The following BPTF variants were observed in gnomAD, a reference collection of about 807,000 sequenced individuals.
The protein encoded by BPTF is nucleosome-remodeling factor subunit BPTF.
Under a neutral mutation model 292.5 loss-of-function variants are expected in BPTF, and 18 were observed. The observed-to-expected ratio is 0.06, with a 90% confidence interval of 0.04 to 0.09. BPTF has a LOEUF of 0.09. BPTF is among the 10% of genes least tolerant of loss of function. The probability of loss-of-function intolerance (pLI) is 1.00; values close to 1 mark genes in which losing one functional copy is unlikely to be tolerated. For missense variants in BPTF, 2,726 were observed against 3,498.7 expected (o/e 0.78, Z 5.57); for synonymous variants, 1,225 against 1,251.9 (o/e 0.98, Z 0.45).
chr17:67,833,249 T>G (rs2056867389), intron 1 of BPTF, among the ~76,000 whole-genome samples: 1 of 152,076 alleles, frequency 6.6e-6, no homozygotes, highest in Non-Finnish European at 1.5e-5. Context: ...TACAGCCTTT[T>G]TTTTTTTTTT....
At chr17:67,858,703 C>T (rs1315637420) in intron 2 of BPTF, among the ~76,000 whole-genome samples, 1 of 152,224 alleles carries the variant, frequency 6.6e-6, no homozygotes, top group Non-Finnish European at 1.5e-5. Flanking sequence ...CTCAAGTGCC[C>T]TCCTGAAAGG....
rs1489284523 is a variant in BPTF at position 67,825,931 on chromosome 17, G to T, written c.207G>T (p.Gly69=). The T allele has an allele frequency of 2.1e-5, 21 of 1,015,590 alleles. No homozygotes were observed. Among genetic ancestry groups the T allele is most frequent in the Non-Finnish European group, 2.2e-5 (19 of 851,596 alleles). The allele number at this position is 1,015,590 out of a possible 1,614,324, so 62.9% of individuals were successfully genotyped here. Residue 69 remains glycine, a synonymous_variant, in exon 1 of 28, where the codon GGG becomes GGT. Transcript: ENST00000306378. ...AGACGCGGCTGAGCTCGCCCAGGGG[G>T]GGCAGCAGTAGCCGGAGGAAGCCGC... The part of the protein sequence containing the change: ...APKTRLSSPR[G]GSSSRRKPPP...
At chr17:67,964,160 G>A (rs2067784341) in intron 24 of BPTF, 52 bp from the exon 25 acceptor site, 1 of 1,544,092 alleles carries the variant, frequency 6.5e-7, no homozygotes, top group Admixed American at 1.8e-5. Context: ...TTTATTATAA[G>A]TAACATCATC....
chr17:67,980,727 T>C (rs1350854392), intron 27 of BPTF, among the ~76,000 whole-genome samples: 1 of 152,200 alleles, frequency 6.6e-6, no homozygotes, highest in African/African-American at 2.4e-5. Flanking sequence ...AGGCTGGGCC[T>C]GCACAGTGAA....
chr17:67,927,497 A>G (rs1462508801), intron 15 of BPTF, among the ~76,000 whole-genome samples: 23 of 152,250 alleles, frequency 1.5e-4, no homozygotes, highest in Admixed American at 5.9e-4. Flanking sequence ...AAAAACTTTT[A>G]TAATTTTCAG....
intron 11 of BPTF, among the ~76,000 whole-genome samples, chr17:67,916,765 C>CAA (rs768285922): frequency 0.082 from 4,596 of 56,214 alleles, 491 homozygotes; most frequent in African/African-American, 0.25. Context: ...TACTCTGTCT[C>CAA]AAAAAAAAAA....
Position 67,982,370 on chromosome 17 carries a change from T to C in BPTF, c.*82T>C. On this transcript the variant is annotated 3_prime_UTR_variant, in exon 28 of 28. Transcript: ENST00000306378. The stretch of plus-strand genomic sequence containing the variant: ...TTTAAATTAAGGAGCCAGATGTTTT[T>C]AGTCAGGCTATCCTGACAAGACTTG... 1 of 1,329,334 alleles carries C rather than the reference T, an allele frequency of 7.5e-7. No individual in the cohort carries two copies. The highest frequency in any genetic ancestry group is 1.1e-6 in the Non-Finnish European group (1 of 931,032). 82.3% of individuals were successfully genotyped at this position (1,329,334 alleles called of 1,614,324 possible). A position where few individuals can be genotyped will look rare whatever the true frequency, so the allele number is the denominator to read the frequency against.
chr17:67,921,162 A>T (rs1434223050), intron 13 of BPTF, among the ~76,000 whole-genome samples: 2 of 147,270 alleles, frequency 1.4e-5, no homozygotes, highest in Non-Finnish European at 3.0e-5. Flanking sequence ...GTGAGCTGAG[A>T]TCACACCACT....
intron 7 of BPTF, among the ~76,000 whole-genome samples, chr17:67,902,236 C>T (rs1350136450): frequency 1.3e-5 from 2 of 152,168 alleles, no homozygotes; most frequent in African/African-American, 4.8e-5. Context: ...CCTAGGGTGT[C>T]ACTGCGCTGA....
In BPTF at chr17:67,983,833, C is replaced by T. The variant is rs1442400491; in HGVS notation, c.*1545C>T. 1.3e-5 allele frequency: 2 copies of T among 152,566 alleles called. No homozygotes were observed. The highest frequency in any genetic ancestry group is 4.8e-5 in the African/African-American group (2 of 41,428). 9.5% of individuals were successfully genotyped at this position (152,566 alleles called of 1,614,324 possible). On this transcript the variant is annotated 3_prime_UTR_variant, in exon 28 of 28. Coordinates refer to ENST00000306378, the MANE Select transcript of BPTF (RefSeq NM_182641.4). ...GTTTCCCTGCTATGCAAAACCTTTCCCAGACCTCAGTTTCTTAAAAGAAAG... is the reference window on the plus strand; with the variant it reads ...GTTTCCCTGCTATGCAAAACCTTTCTCAGACCTCAGTTTCTTAAAAGAAAG...
In BPTF at chr17:67,953,639, G is replaced by A. The variant is rs570773264; in HGVS notation, c.7926+5333G>A. On this transcript the variant is annotated intron_variant, in intron 23 of 27. Transcript: ENST00000306378. ...TGCCCAGGCTGGAGTGCAATAGCAC[G>A]ATCTCGGCTCACTGCAATCTCCACC... is the stretch of plus-strand genomic sequence containing the variant. Among the ~76,000 whole-genome samples, 7 of 141,936 alleles carry A rather than the reference G, an allele frequency of 4.9e-5. No individual in the cohort carries two copies. In the East Asian group the frequency reaches 1.1e-3, roughly 22 times the overall value. 93.1% of individuals were successfully genotyped at this position (141,936 alleles called of 152,430 possible). A position where few individuals can be genotyped will look rare whatever the true frequency, so the allele number is the denominator to read the frequency against.
chr17:67,956,640 A>G (rs2066965527), intron 23 of BPTF: 1 of 151,264 alleles, frequency 6.6e-6, no homozygotes, highest in Admixed American at 6.6e-5. Context: ...AGAAGGAAAA[A>G]TAAAATTAAT....
intron 3 of BPTF, among the ~76,000 whole-genome samples, chr17:67,870,001 CAAAAAAA>C (rs59327152): frequency 1.7e-5 from 1 of 59,194 alleles, no homozygotes; most frequent in African/African-American, 5.8e-5. Context: ...GACTCCGTCT[CAAAAAAA>C]AAAAAAAAAA....
chr17:67,896,211 C>T (rs2061441192), intron 7 of BPTF, among the ~76,000 whole-genome samples: 1 of 152,098 alleles, frequency 6.6e-6, no homozygotes, highest in Admixed American at 6.5e-5. Flanking sequence ...ATCCGCCCGC[C>T]TTGGCCTCCC....
At chr17:67,898,657 A>G (rs1192282570) in intron 7 of BPTF, among the ~76,000 whole-genome samples, 1 of 143,876 alleles carries the variant, frequency 7.0e-6, no homozygotes, top group African/African-American at 2.5e-5. Context: ...CGAGTATATG[A>G]AGTCTTTTTT....
At chr17:67,981,641 T>C in intron 27 of BPTF, 1 of 1,026,472 alleles carries the variant, frequency 9.7e-7, no homozygotes, top group Non-Finnish European at 1.2e-6. Flanking sequence ...TTAAAAATTG[T>C]AAACTCTTGG....
At chr17:67,894,273 T>C in intron 7 of BPTF, 108 bp downstream of exon 7, 1 of 1,158,298 alleles carries the variant, frequency 8.6e-7, no homozygotes, top group East Asian at 2.4e-5. Context: ...TTGAAGACTT[T>C]ACTTTTGGCC....
rs181236098 is a variant in BPTF at position 67,844,448 on chromosome 17, C to T, written c.614-9492C>T. The stretch of plus-strand genomic sequence containing the variant: ...ATTTGTAGTAGAGATGGGGTTTCAC[C>T]GTGTTAGCCAGTATGGTCTCGATCT... On this transcript the variant is annotated intron_variant, in intron 1 of 27. Coordinates refer to ENST00000306378, the MANE Select transcript of BPTF (RefSeq NM_182641.4). 6.7e-3 allele frequency among the ~76,000 whole-genome samples: 1,023 copies of T among 151,780 alleles called. 5 individuals are homozygous for T. The highest frequency in any genetic ancestry group is 6.9e-3 in the Non-Finnish European group (472 of 67,924).
intron 26 of BPTF, among the ~76,000 whole-genome samples, chr17:67,972,135 A>G (rs1166800152): frequency 1.3e-5 from 2 of 152,200 alleles, no homozygotes; most frequent in Non-Finnish European, 1.5e-5. Context: ...TAATTTGGCA[A>G]AGAAAGTGTT....
Sources: gnomAD v4.1 joint callset for allele counts (sites outside exome capture counted in the v4.1 genomes callset) on GRCh38, gnomAD v4.1.1 for gene constraint, MANE v1.5 for transcripts, NCBI Gene and HGNC (gene_info 2026-07-23, HGNC 2026-07-21) for gene names.